FAM107B: variants seen among roughly 807,000 people sequenced by gnomAD.
FAM107B encodes the protein family with sequence similarity 107 member B.
A neutral mutation model predicts 31.5 loss-of-function variants in FAM107B; 21 were observed. That is an observed-to-expected ratio of 0.67 (90% CI 0.47 to 0.96). The LOEUF (loss-of-function observed/expected upper bound fraction) is 0.96. Ranked by LOEUF, FAM107B falls within the 40% of genes least tolerant of loss-of-function variation. The pLI, the probability that FAM107B is intolerant of heterozygous loss-of-function variation, is 0.00. For missense variants in FAM107B, 452 were observed against 377.1 expected (o/e 1.20, Z -1.64); for synonymous variants, 157 against 141.5 (o/e 1.11, Z -0.78).
intron 2 of FAM107B, among the ~76,000 whole-genome samples, chr10:14,587,710 G>A (rs567636598): frequency 1.3e-5 from 2 of 152,222 alleles, no homozygotes; most frequent in Non-Finnish European, 2.9e-5. Flanking sequence ...GTGGTGGCAA[G>A]TGCCAGCATG....
chr10:14,757,336 C>A (rs74333363), intron 1 of FAM107B, among the ~76,000 whole-genome samples: 7,063 of 149,540 alleles, frequency 0.047, 559 homozygotes, highest in African/African-American at 0.16. Context: ...AAAAAAAAGA[C>A]TGCAGTGTCC....
chr10:14,717,174 A>G (rs1350167825), intron 1 of FAM107B, among the ~76,000 whole-genome samples: 1 of 152,166 alleles, frequency 6.6e-6, no homozygotes, highest in African/African-American at 2.4e-5. Context: ...TAATATTGAG[A>G]TGCCTTTGGG....
intron 1 of FAM107B, among the ~76,000 whole-genome samples, chr10:14,704,337 C>G (rs1391854710): frequency 1.3e-5 from 2 of 150,832 alleles, no homozygotes; most frequent in Admixed American, 6.6e-5. Context: ...ATGAGTCATC[C>G]AAACACACAG....
intron 1 of FAM107B, among the ~76,000 whole-genome samples, chr10:14,762,065 C>T (rs9988791): frequency 0.023 from 3,539 of 152,170 alleles, 140 homozygotes; most frequent in African/African-American, 0.081. Flanking sequence ...ACCCTAAGGA[C>T]GGGCAGTTGC....
intron 1 of FAM107B, among the ~76,000 whole-genome samples, chr10:14,695,034 T>C (rs1414993600): frequency 1.3e-5 from 2 of 152,196 alleles, no homozygotes; most frequent in East Asian, 1.9e-4. Flanking sequence ...TTCAATCTTA[T>C]GGCCTAAGTT....
In FAM107B at chr10:14,689,893, G is replaced by A. The variant is rs78573359; in HGVS notation, c.412-22202C>T. Among the ~76,000 whole-genome samples, 3 of 152,186 alleles carry A rather than the reference G, an allele frequency of 2.0e-5. No individual in the cohort carries two copies. The East Asian group carries it at 5.8e-4, about 29-fold the overall frequency. ...CAGGAGGATTACTTGAGCCTGGAGA[G>A]GTCGAGGCTGCAGTGAGCTGAGCTC... is the stretch of plus-strand genomic sequence containing the variant. On this transcript the variant is annotated intron_variant, in intron 1 of 4. Transcript: ENST00000181796.
At chr10:14,668,550 G>A (rs905035082) in intron 1 of FAM107B, among the ~76,000 whole-genome samples, 5 of 152,118 alleles carry the variant, frequency 3.3e-5, no homozygotes, top group Admixed American at 6.6e-5. Context: ...TGTCACTGCC[G>A]TGACACTGAT....
Position 14,774,613 on chromosome 10 carries a change from T to G in FAM107B, c.51A>C (p.Arg17Ser). Reference sequence around the variant, plus strand: ...CTGAGCACGGAAATGGATGCATGCTTCTAGAGGGAGACTTCAGTCTTTTGG... The same window carrying G: ...CTGAGCACGGAAATGGATGCATGCTGCTAGAGGGAGACTTCAGTCTTTTGG... ...RLTKRLKSPS[R>S]SMHPFPCSAL... The change falls in exon 1 of 5, where the codon AGA (arginine) becomes AGC (serine). Residue 17 changes from arginine (R) to serine (S), a missense_variant. Coordinates refer to ENST00000181796, the MANE Select transcript of FAM107B (RefSeq NM_031453.4). The G allele has an allele frequency of 5.6e-6, 9 of 1,614,136 alleles. No individual in the cohort carries two copies. The highest frequency in any genetic ancestry group is 7.6e-6 in the Non-Finnish European group (9 of 1,180,018).
intron 2 of FAM107B, among the ~76,000 whole-genome samples, chr10:14,595,275 G>A (rs1026464599): frequency 5.9e-5 from 9 of 152,132 alleles, no homozygotes; most frequent in Admixed American, 1.3e-4. Flanking sequence ...CATCTCCCAA[G>A]CATTTCTGCA....
chr10:14,658,227 C>T (rs1044648759), intron 2 of FAM107B, among the ~76,000 whole-genome samples: 27 of 152,280 alleles, frequency 1.8e-4, no homozygotes, highest in Admixed American at 1.4e-3. Context: ...AGTTGAGTCC[C>T]ATAAAAGAGT....
intron 2 of FAM107B, among the ~76,000 whole-genome samples, chr10:14,593,407 T>C (rs1012534722): frequency 6.6e-6 from 1 of 152,118 alleles, no homozygotes; most frequent in Non-Finnish European, 1.5e-5. Flanking sequence ...TCAAGAAAGT[T>C]TACTGCTGGC....
At chr10:14,755,276 T>C (rs7092449) in intron 1 of FAM107B, among the ~76,000 whole-genome samples, 10,524 of 152,116 alleles carry the variant, frequency 0.069, 1,020 homozygotes, top group African/African-American at 0.21. Context: ...GGGTTGGGTA[T>C]AGGAGAGTAG....
chr10:14,721,683 T>C (rs938159875), intron 1 of FAM107B, among the ~76,000 whole-genome samples: 18 of 152,234 alleles, frequency 1.2e-4, no homozygotes, highest in African/African-American at 4.1e-4. Context: ...ACCCACTTTT[T>C]GTTGGGGTTG....
At chr10:14,739,788 G>C (rs1856394508) in intron 1 of FAM107B, among the ~76,000 whole-genome samples, 1 of 152,186 alleles carries the variant, frequency 6.6e-6, no homozygotes. Flanking sequence ...TAAAGCCAAT[G>C]AGAGACACCG....
Position 14,723,922 on chromosome 10 carries a change from C to A in FAM107B, c.411+50331G>T, listed in dbSNP as rs1411259663. ...CCTCTTCAGATTTATGATGTAGATG[C>A]CATCACTTTTCCTTTTATAGATGTG... On this transcript the variant is annotated intron_variant, in intron 1 of 4. Coordinates refer to ENST00000181796, the MANE Select transcript of FAM107B (RefSeq NM_031453.4). 1.5e-5 allele frequency: 11 copies of A among 751,584 alleles called. No individual in the cohort carries two copies. The African/African-American group carries it at 1.7e-4, about 12-fold the overall frequency. The allele number at this position is 751,584 out of a possible 1,614,324, so 46.6% of individuals were successfully genotyped here. A position where few individuals can be genotyped will look rare whatever the true frequency, so the allele number is the denominator to read the frequency against.
chr10:14,715,084 T>G (rs1588724941), intron 1 of FAM107B, among the ~76,000 whole-genome samples: 1 of 152,008 alleles, frequency 6.6e-6, no homozygotes, highest in African/African-American at 2.4e-5. Context: ...CAAATATAAA[T>G]GGACAAGTAG....
intron 3 of FAM107B, chr10:14,528,187 T>G (rs1363533819): frequency 1.6e-5 from 3 of 182,304 alleles, no homozygotes; most frequent in Non-Finnish European, 3.4e-5. Flanking sequence ...TTTTTTTTTT[T>G]TTTTTTTTTT....
intron 2 of FAM107B, among the ~76,000 whole-genome samples, chr10:14,580,552 G>T (rs1851603819): frequency 6.6e-6 from 1 of 151,984 alleles, no homozygotes; most frequent in South Asian, 2.1e-4. Context: ...TCAAGGAAAA[G>T]AAAAAATATC....
intron 2 of FAM107B, among the ~76,000 whole-genome samples, chr10:14,604,794 T>C (rs561123411): frequency 5.9e-5 from 9 of 152,138 alleles, no homozygotes; most frequent in Non-Finnish European, 1.2e-4. Context: ...TCTCTTCTTT[T>C]ATCTCTTTCT....
Sources: gnomAD v4.1 joint callset for allele counts (sites outside exome capture counted in the v4.1 genomes callset) on GRCh38, gnomAD v4.1.1 for gene constraint, MANE v1.5 for transcripts, NCBI Gene and HGNC (gene_info 2026-07-23, HGNC 2026-07-21) for gene names.